PPP2R5D: variants seen among roughly 807,000 people sequenced by gnomAD.
The protein encoded by PPP2R5D is serine/threonine-protein phosphatase 2A 56 kDa regulatory subunit delta isoform.
A neutral mutation model predicts 79.1 loss-of-function variants in PPP2R5D; 12 were observed. The ratio of observed to expected loss-of-function variants is 0.15; its 90% CI spans 0.10 to 0.25. The LOEUF (loss-of-function observed/expected upper bound fraction) is 0.25. Ranked by LOEUF, PPP2R5D falls within the 10% of genes least tolerant of loss-of-function variation. The probability of loss-of-function intolerance (pLI) is 1.00; values close to 1 mark genes in which losing one functional copy is unlikely to be tolerated. For synonymous variants in PPP2R5D, 277 were observed against 286.6 expected (o/e 0.97, Z 0.34); for missense variants, 419 against 760.2 (o/e 0.55, Z 5.28).
At chr6:43,004,910 C>T (rs992781488) in intron 2 of PPP2R5D, among the ~76,000 whole-genome samples, 5 of 151,546 alleles carry the variant, frequency 3.3e-5, no homozygotes, top group Admixed American at 6.6e-5. Flanking sequence ...CCACCACACC[C>T]GGCTAATTTT....
rs777638824 is a variant in PPP2R5D at position 43,010,927 on chromosome 6, T to C, written c.1601T>C (p.Met534Thr). 3 of 1,614,072 alleles carry C rather than the reference T, an allele frequency of 1.9e-6. No individual in the cohort carries two copies. Among genetic ancestry groups the C allele is most frequent in the Non-Finnish European group, 2.5e-6 (3 of 1,180,030 alleles). ...APPPLPPVYSMETETPTAEDI... is the reference protein window; with the variant it reads ...APPPLPPVYSTETETPTAEDI... ...CCACCACTGCCCCCTGTGTACTCGA[T>C]GGAGACAGAGACCCCCACAGCTGAG... Residue 534 changes from methionine to threonine, a missense_variant, in exon 15 of 16, where the codon ATG becomes ACG. This residue lies in a region of PPP2R5D where 84 missense variants were observed against 105.4 expected (regional missense o/e 0.80). Coordinates refer to ENST00000485511, the MANE Select transcript of PPP2R5D (RefSeq NM_006245.4). This position sits in a 1 kb window ranked among gnomAD's most constrained non-coding sequence, Gnocchi z 4.7.
Position 43,006,301 on chromosome 6 carries a change from A to G in PPP2R5D, c.106-162A>G. On this transcript the variant is annotated intron_variant, in intron 2 of 15. Transcript: ENST00000485511. The surrounding 1 kb of genome is among the most constrained non-coding windows in gnomAD (Gnocchi z 4.7). ...CTTGACTGCTCCCTGCCAGGGCTAC[A>G]GCACAGTTATCTCTGTAACCCTGGC... The G allele has an allele frequency of 1.5e-6, 2 of 1,319,060 alleles. No individual in the cohort carries two copies. The highest frequency in any genetic ancestry group is 1.6e-5 in the South Asian group (1 of 62,198). 81.7% of individuals were successfully genotyped at this position (1,319,060 alleles called of 1,614,324 possible).
At chr6:42,984,812 C>A (rs929241276) in intron 1 of PPP2R5D, 108 bp downstream of exon 1, 11 of 1,507,436 alleles carry the variant, frequency 7.3e-6, no homozygotes, top group Admixed American at 6.6e-5. Flanking sequence ...CCCGTCCAGC[C>A]CCCGCAGGAC....
In PPP2R5D at chr6:43,012,226, CT is replaced by C; in HGVS notation, c.*944del. On this transcript the variant is annotated 3_prime_UTR_variant, in exon 16 of 16. Coordinates refer to ENST00000485511, the MANE Select transcript of PPP2R5D (RefSeq NM_006245.4). Reference sequence around the variant, plus strand: ...GGTTCCAGGGGCGCAGGCAGTGCGGCTTTTGGCTGTGTACATAGGGTGCTTT... The same window carrying C: ...GGTTCCAGGGGCGCAGGCAGTGCGGCTTTGGCTGTGTACATAGGGTGCTTT... 1 of 1,212,968 alleles carries C rather than the reference CT, an allele frequency of 8.2e-7. No homozygotes were observed. The allele number at this position is 1,212,968 out of a possible 1,614,324, so 75.1% of individuals were successfully genotyped here. A position where few individuals can be genotyped will look rare whatever the true frequency, so the allele number is the denominator to read the frequency against.
chr6:42,998,890 C>G (rs528925405), intron 2 of PPP2R5D, among the ~76,000 whole-genome samples: 16 of 152,236 alleles, frequency 1.1e-4, no homozygotes, highest in African/African-American at 3.9e-4. Context: ...CAAAAATTAG[C>G]CAGGCCTAGT....
rs185772115 is a variant in PPP2R5D, at chr6:42,999,628, C to T, written c.106-6835C>T. Among the ~76,000 whole-genome samples the T allele has an allele frequency of 1.2e-4, 18 of 152,212 alleles. No homozygotes were observed. In the East Asian group the frequency reaches 1.7e-3, roughly 15 times the overall value. On this transcript the variant is annotated intron_variant, in intron 2 of 15. Transcript: ENST00000485511. Reference sequence around the variant, plus strand: ...TTGCCCAGGCTGGATTGCAGTGGCACGATTTCGGCTCACTGCAACCTCTGT... The same window carrying T: ...TTGCCCAGGCTGGATTGCAGTGGCATGATTTCGGCTCACTGCAACCTCTGT...
At position 43,006,628 on chromosome 6, in the gene PPP2R5D, C is replaced by T. The variant is rs750265500; in HGVS notation, c.271C>T (p.Arg91Cys). The T allele has an allele frequency of 1.7e-5, 28 of 1,614,166 alleles. No individual in the cohort carries two copies. In the East Asian group the frequency reaches 3.3e-4, roughly 19 times the overall value. ...GAAGGAGCGACGGCAAAGCTCCTCCCGCTTCAACCTCAGCAAGAATCGGGA... is the reference window on the plus strand; with the variant it reads ...GAAGGAGCGACGGCAAAGCTCCTCCTGCTTCAACCTCAGCAAGAATCGGGA... The part of the protein sequence containing the change: ...VKKERRQSSS[R>C]FNLSKNRELQ... Residue 91 changes from arginine (R) to cysteine (C), a missense_variant, in exon 3 of 16, where the codon CGC (arginine) becomes TGC (cysteine). Physicochemically the swap from Arg to Cys is radical, Grantham distance 180 (BLOSUM62 -3). This residue lies in a region of PPP2R5D where 110 missense variants were observed against 147.6 expected (regional missense o/e 0.75). Transcript: ENST00000485511. This position sits in a 1 kb window ranked among gnomAD's most constrained non-coding sequence, Gnocchi z 4.7.
chr6:43,011,565 C>T lies in PPP2R5D; in HGVS notation c.*279C>T. ...TGCCTGTCCCCTACCTGCTCCTCAC[C>T]CACAGCTACCTGAGGCTGCTCTGAG... On this transcript the variant is annotated 3_prime_UTR_variant, in exon 16 of 16. Transcript: ENST00000485511. 1 of 506,376 alleles carries T rather than the reference C, an allele frequency of 2.0e-6. No homozygotes were observed. The highest frequency in any genetic ancestry group is 3.6e-6 in the Non-Finnish European group (1 of 279,788). 31.4% of individuals were successfully genotyped at this position (506,376 alleles called of 1,614,324 possible). A position where few individuals can be genotyped will look rare whatever the true frequency, so the allele number is the denominator to read the frequency against.
rs1271830406 is a variant in PPP2R5D at position 43,007,355 on chromosome 6, C to A, written c.633+49C>A. On this transcript the variant is annotated intron_variant, in intron 5 of 15. Transcript: ENST00000485511. The surrounding 1 kb of genome is among the most constrained non-coding windows in gnomAD (Gnocchi z 4.5). Reference sequence around the variant, plus strand: ...GGCCGTGGCTGCAGGGAGTGGGGCACTTGGAGGCCTGCAAGTCCTTGGGAA... The same window carrying A: ...GGCCGTGGCTGCAGGGAGTGGGGCAATTGGAGGCCTGCAAGTCCTTGGGAA... The A allele has an allele frequency of 6.2e-7, 1 of 1,606,222 alleles. No homozygotes were observed. Among genetic ancestry groups the A allele is most frequent in the Admixed American group, 1.7e-5 (1 of 60,004 alleles).
rs1771098155 is a variant in PPP2R5D at position 42,989,518 on chromosome 6, A to G, written c.28-93A>G. 9 of 1,059,852 alleles carry G rather than the reference A, an allele frequency of 8.5e-6. No homozygotes were observed. The South Asian group carries it at 1.2e-4, about 14-fold the overall frequency. 65.7% of individuals were successfully genotyped at this position (1,059,852 alleles called of 1,614,324 possible). A position where few individuals can be genotyped will look rare whatever the true frequency, so the allele number is the denominator to read the frequency against. ...TTCTAATTGATTGATTCAACTGGAC[A>G]GAGGATATTTGCAACAAAGATCTAA... On this transcript the variant is annotated intron_variant, in intron 1 of 15. Coordinates refer to ENST00000485511, the MANE Select transcript of PPP2R5D (RefSeq NM_006245.4).
intron 1 of PPP2R5D, among the ~76,000 whole-genome samples, chr6:42,986,796 A>G (rs188287657): frequency 6.6e-6 from 1 of 151,882 alleles, no homozygotes; most frequent in East Asian, 1.9e-4. Context: ...GAAGAAGACA[A>G]ATTGCCAGTG....
chr6:42,987,865 T>C (rs991886870), intron 1 of PPP2R5D, among the ~76,000 whole-genome samples: 1 of 152,046 alleles, frequency 6.6e-6, no homozygotes, highest in Non-Finnish European at 1.5e-5. Context: ...TCTAATAGAT[T>C]GGAGATGTAT....
chr6:43,008,529 G>T lies in PPP2R5D; in HGVS notation c.1026+54G>T, dbSNP rs988088142. Reference sequence around the variant, plus strand: ...AACTCAGGCAGCAGAGAAAAGAGCCGGCAGGAAAGTGTTCCAGCTGGGATA... The same window carrying T: ...AACTCAGGCAGCAGAGAAAAGAGCCTGCAGGAAAGTGTTCCAGCTGGGATA... On this transcript the variant is annotated intron_variant, in intron 9 of 15. Coordinates refer to ENST00000485511, the MANE Select transcript of PPP2R5D (RefSeq NM_006245.4). The surrounding 1 kb of genome is among the most constrained non-coding windows in gnomAD (Gnocchi z 4.2). 1 of 1,539,812 alleles carries T rather than the reference G, an allele frequency of 6.5e-7. No individual in the cohort carries two copies. The highest frequency in any genetic ancestry group is 1.4e-5 in the African/African-American group (1 of 73,368).
At chr6:43,004,173 C>T (rs899797430) in intron 2 of PPP2R5D, among the ~76,000 whole-genome samples, 3 of 152,202 alleles carry the variant, frequency 2.0e-5, no homozygotes, top group African/African-American at 7.2e-5. Context: ...CAGGCACCCA[C>T]CACCAGGCCT....
Position 43,007,313 on chromosome 6 carries a change from G to A in PPP2R5D, c.633+7G>A. ...TGCTTGGCCACATCTCCAGGTACCA[G>A]GGCAAGGGGGCAGATTGGCCGTGGC... On this transcript the variant is annotated splice_region_variant and intron_variant, in intron 5 of 15. Coordinates refer to ENST00000485511, the MANE Select transcript of PPP2R5D (RefSeq NM_006245.4). This position sits in a 1 kb window ranked among gnomAD's most constrained non-coding sequence, Gnocchi z 4.5. 6.2e-7 allele frequency: 1 copy of A among 1,613,660 alleles called. No homozygotes were observed. Among genetic ancestry groups the A allele is most frequent in the Non-Finnish European group, 8.5e-7 (1 of 1,179,538 alleles).
chr6:42,985,383 AC>A (rs1770763998), intron 1 of PPP2R5D, among the ~76,000 whole-genome samples: 1 of 152,230 alleles, frequency 6.6e-6, no homozygotes, highest in Admixed American at 6.5e-5. Flanking sequence ...CCCTAATGGT[AC>A]AGATGAGGAG....
intron 2 of PPP2R5D, among the ~76,000 whole-genome samples, chr6:42,993,596 C>G (rs1251093305): frequency 1.3e-5 from 2 of 152,226 alleles, no homozygotes; most frequent in Non-Finnish European, 2.9e-5. Flanking sequence ...TGTTCCACAT[C>G]TCTCTCCTAG....
At position 42,989,700 on chromosome 6, in the gene PPP2R5D, A is replaced by G; in HGVS notation, c.105+12A>G. 1 of 1,610,608 alleles carries G rather than the reference A, an allele frequency of 6.2e-7. No homozygotes were observed. Among genetic ancestry groups the G allele is most frequent in the Non-Finnish European group, 8.5e-7 (1 of 1,177,436 alleles). On this transcript the variant is annotated intron_variant, in intron 2 of 15. Transcript: ENST00000485511. ...AGAACACTGAGGAGGTAATGAATGT[A>G]GGCGTAGCCTTAGATGTGGTGCAGG...
At position 43,009,378 on chromosome 6, in the gene PPP2R5D, T is replaced by G; in HGVS notation, c.1308T>G (p.Ser436Arg). Residue 436 changes from serine to arginine, a missense_variant, in exon 12 of 16, where the codon AGT becomes AGG. Physicochemically the swap from Ser to Arg is moderately radical, Grantham distance 110. This residue lies in a region of PPP2R5D where 196 missense variants were observed against 424.5 expected (regional missense o/e 0.46). Coordinates refer to ENST00000485511, the MANE Select transcript of PPP2R5D (RefSeq NM_006245.4). The surrounding 1 kb of genome is among the most constrained non-coding windows in gnomAD (Gnocchi z 5.6). Reference sequence around the variant, plus strand: ...ATGAGTACATCATGAGCCTGATAAGTGACAATGCTGCCCGAGTCCTCCCCA... The same window carrying G: ...ATGAGTACATCATGAGCCTGATAAGGGACAATGCTGCCCGAGTCCTCCCCA... ...WNNEYIMSLI[S>R]DNAARVLPIM... The G allele has an allele frequency of 6.2e-7, 1 of 1,614,030 alleles. No homozygotes were observed. Among genetic ancestry groups the G allele is most frequent in the Non-Finnish European group, 8.5e-7 (1 of 1,180,004 alleles).
Sources: allele counts gnomAD v4.1 joint callset (sites outside exome capture counted in the v4.1 genomes callset), GRCh38; gene constraint gnomAD v4.1.1; regional missense constraint gnomAD v4.1.1; non-coding constraint Gnocchi (gnomAD v3.1); transcripts MANE v1.5; gene names NCBI Gene and HGNC (gene_info 2026-07-23, HGNC 2026-07-21).